Variants in TOP2B observed in about 807,000 individuals in gnomAD.
The protein encoded by TOP2B is DNA topoisomerase 2-beta.
A neutral mutation model predicts 193.5 loss-of-function variants in TOP2B; 51 were observed. The ratio of observed to expected loss-of-function variants is 0.26; its 90% CI spans 0.21 to 0.33. TOP2B has a LOEUF of 0.33. Ranked by LOEUF, TOP2B falls within the 10% of genes least tolerant of loss-of-function variation. The probability of loss-of-function intolerance (pLI) is 1.00; values close to 1 mark genes in which losing one functional copy is unlikely to be tolerated. For missense variants in TOP2B, 1,378 were observed against 1,909.3 expected (o/e 0.72, Z 5.19); for synonymous variants, 634 against 635.7 (o/e 1.00, Z 0.04).
chr3:25,622,839 C>G (rs1037124956), intron 21 of TOP2B, among the ~76,000 whole-genome samples: 3 of 152,162 alleles, frequency 2.0e-5, no homozygotes, highest in Admixed American at 2.0e-4. Flanking sequence ...CAGGGTTCTA[C>G]CTGGTTTGGT....
At position 25,604,843 on chromosome 3, in the gene TOP2B, T is replaced by C. The variant is rs1264411814; in HGVS notation, c.4406A>G (p.Glu1469Gly). Residue 1469 changes from glutamate (E) to glycine (G), a missense_variant, in exon 33 of 36, where the codon GAA (glutamate) becomes GGA (glycine). Transcript: ENST00000264331. The part of the protein sequence containing the change: ...DDSAKFDSNE[E>G]DSASVFSPSF... The stretch of plus-strand genomic sequence containing the variant: ...TGGTGAAAAAACAGAAGCAGAATCT[T>C]CTTCATTACTGTCAAATTTAGCTGA... The C allele has an allele frequency of 6.2e-7, 1 of 1,612,626 alleles. No homozygotes were observed. The highest frequency in any genetic ancestry group is 8.5e-7 in the Non-Finnish European group (1 of 1,179,296).
chr3:25,637,241 T>G lies in TOP2B; in HGVS notation c.613A>C (p.Lys205Gln), dbSNP rs1389354130. Residue 205 changes from lysine to glutamine, a missense_variant, in exon 6 of 36, where the codon AAA (lysine) becomes CAA (glutamine). This residue lies in a region of TOP2B where 222 missense variants were observed against 306.6 expected (regional missense o/e 0.72). Transcript: ENST00000264331. ...STKFTVETACKEYKHSFKQTW... is the reference protein window; with the variant it reads ...STKFTVETACQEYKHSFKQTW... ...TGCTTAAAACTGTGTTTGTATTCTT[T>G]GCAAGCTGTTTCTACTGTAAACTTT... The G allele has an allele frequency of 2.6e-6, 4 of 1,558,258 alleles. No individual in the cohort carries two copies. The South Asian group carries it at 4.7e-5, about 18-fold the overall frequency.
intron 1 of TOP2B, among the ~76,000 whole-genome samples, chr3:25,648,509 T>C (rs897249026): frequency 1.6e-4 from 24 of 152,192 alleles, no homozygotes; most frequent in African/African-American, 5.8e-4. Context: ...GCCAAAGCCC[T>C]AACAGAAAAT....
chr3:25,613,007 C>T (rs558783769), intron 27 of TOP2B, among the ~76,000 whole-genome samples: 7 of 152,152 alleles, frequency 4.6e-5, no homozygotes, highest in Non-Finnish European at 1.0e-4. Context: ...ATTATGGAAT[C>T]AAGACCTCTG....
intron 8 of TOP2B, 46 bp downstream of exon 8, chr3:25,633,795 G>GTAC: frequency 6.8e-7 from 1 of 1,468,298 alleles, no homozygotes. Context: ...TTTTATTGAA[G>GTAC]TACTGTTCTA....
At position 25,642,097 on chromosome 3, in the gene TOP2B, C is replaced by T. The variant is rs1211138140; in HGVS notation, c.395+225G>A. 2.0e-5 allele frequency among the ~76,000 whole-genome samples: 3 copies of T among 152,026 alleles called. No homozygotes were observed. The South Asian group carries it at 6.2e-4, about 31-fold the overall frequency. ...GTGATTACCCTAGCAGCTGAAATAG[C>T]ATACACAGCATCAAAGAAAAATGGT... is the stretch of plus-strand genomic sequence containing the variant. On this transcript the variant is annotated intron_variant, in intron 4 of 35. Coordinates refer to ENST00000264331, the MANE Select transcript of TOP2B (RefSeq NM_001330700.2).
intron 33 of TOP2B, among the ~76,000 whole-genome samples, 196 bp downstream of exon 33, chr3:25,604,564 G>A (rs919509179): frequency 6.6e-6 from 1 of 152,124 alleles, no homozygotes; most frequent in Non-Finnish European, 1.5e-5. Flanking sequence ...AATTACAACA[G>A]CTTTAAAATT....
At position 25,620,808 on chromosome 3, in the gene TOP2B, G is replaced by T; in HGVS notation, c.2736C>A (p.Asn912Lys). ...GAATCGTGCCTTTAAAGTTTTTGTA[G>T]TTTGGAAGCTGTAGAGAAAAAGGTA... ...DGLDPHPMLP[N>K]YKNFKGTIQE... The change falls in exon 22 of 36, where the codon AAC (asparagine) becomes AAA (lysine). Residue 912 changes from asparagine to lysine, a missense_variant. Physicochemically the swap from Asn to Lys is moderately conservative, Grantham distance 94. Transcript: ENST00000264331. The T allele has an allele frequency of 6.2e-7, 1 of 1,613,226 alleles. No individual in the cohort carries two copies. The highest frequency in any genetic ancestry group is 8.5e-7 in the Non-Finnish European group (1 of 1,179,506).
At chr3:25,627,960 C>G (rs148133807) in intron 15 of TOP2B, among the ~76,000 whole-genome samples, 1 of 151,602 alleles carries the variant, frequency 6.6e-6, no homozygotes, top group Non-Finnish European at 1.5e-5. Context: ...ACTTGGGTGG[C>G]TGAAGCATGA....
rs761928881 is a variant in TOP2B at position 25,630,939 on chromosome 3, C to T, written c.1267G>A (p.Ala423Thr). The change falls in exon 11 of 36, where the codon GCC becomes ACC. Residue 423 changes from alanine to threonine, a missense_variant and splice_region_variant. By Grantham distance (58) the Ala-to-Thr change is moderately conservative. Around this residue, in one of 9 missense-constraint regions of TOP2B, gnomAD observed 222 missense variants for 306.6 expected, o/e 0.72. Transcript: ENST00000264331. ...CQLSEKFFKA[A>T]SNCGIVESIL... ...CTTTCTACAATGCCACAATTAGAGG[C>T]CTAAAAATAAAAGAATAATGGTATA... 1.3e-6 allele frequency: 2 copies of T among 1,579,368 alleles called. No homozygotes were observed. The highest frequency in any genetic ancestry group is 2.3e-5 in the East Asian group (1 of 43,620).
Position 25,629,158 on chromosome 3 carries a change from T to C in TOP2B, c.1690-13A>G, listed in dbSNP as rs1409336497. On this transcript the variant is annotated splice_polypyrimidine_tract_variant and intron_variant, in intron 13 of 35. Transcript: ENST00000264331. ...AACCATCTTGATCCTAAATAAATGT[T>C]AGTAAAGTAAAAAATGTTGTAATAC... 5 of 1,502,586 alleles carry C rather than the reference T, an allele frequency of 3.3e-6. No homozygotes were observed. Among genetic ancestry groups the C allele is most frequent in the Non-Finnish European group, 4.5e-6 (5 of 1,113,654 alleles). The allele number at this position is 1,502,586 out of a possible 1,614,324, so 93.1% of individuals were successfully genotyped here.
chr3:25,636,658 C>T (rs1703114793), intron 6 of TOP2B, among the ~76,000 whole-genome samples: 1 of 152,034 alleles, frequency 6.6e-6, no homozygotes, highest in Non-Finnish European at 1.5e-5. Flanking sequence ...ACTTTATAAA[C>T]TGCCAACAAA....
intron 7 of TOP2B, among the ~76,000 whole-genome samples, chr3:25,634,232 G>C (rs932892737): frequency 6.6e-6 from 1 of 152,060 alleles, no homozygotes; most frequent in Non-Finnish European, 1.5e-5. Flanking sequence ...AGGATGTGAA[G>C]GGACAGGTAA....
intron 1 of TOP2B, among the ~76,000 whole-genome samples, chr3:25,651,322 G>A (rs926898231): frequency 1.3e-5 from 2 of 151,948 alleles, no homozygotes; most frequent in African/African-American, 2.4e-5. Context: ...TGGCATTGAA[G>A]TTACTAATTT....
At chr3:25,608,102 T>A (rs1702280468) in intron 30 of TOP2B, among the ~76,000 whole-genome samples, 1 of 152,180 alleles carries the variant, frequency 6.6e-6, no homozygotes, top group African/African-American at 2.4e-5. Flanking sequence ...TTCTCTTAAC[T>A]TTTTGGATAA....
intron 25 of TOP2B, chr3:25,618,183 G>A (rs1260531026): frequency 2.1e-6 from 1 of 468,394 alleles, no homozygotes; most frequent in Non-Finnish European, 3.8e-6. Context: ...CTCACACCTG[G>A]AGTCATTTCT....
intron 28 of TOP2B, among the ~76,000 whole-genome samples, chr3:25,612,225 A>G (rs1358562655): frequency 6.6e-6 from 1 of 152,106 alleles, no homozygotes; most frequent in African/African-American, 2.4e-5. Context: ...TACAGGCGTG[A>G]GCCACCGTGC....
At chr3:25,637,677 C>T (rs151105939) in intron 5 of TOP2B, among the ~76,000 whole-genome samples, 1 of 151,822 alleles carries the variant, frequency 6.6e-6, no homozygotes, top group Non-Finnish European at 1.5e-5. Context: ...TTTCCCGGAG[C>T]GTTGGTTTAA....
At chr3:25,623,848 A>G (rs1458423263) in intron 20 of TOP2B, 102 bp from the exon 21 acceptor site, 2 of 732,992 alleles carry the variant, frequency 2.7e-6, no homozygotes, top group Non-Finnish European at 4.4e-6. Flanking sequence ...AAATCTTTTG[A>G]AGAGAATGCA....
Sources: gnomAD v4.1 joint callset for allele counts (sites outside exome capture counted in the v4.1 genomes callset) on GRCh38, gnomAD v4.1.1 for gene constraint, gnomAD v4.1.1 regional missense constraint, MANE v1.5 for transcripts, NCBI Gene and HGNC (gene_info 2026-07-23, HGNC 2026-07-21) for gene names.